EFNA5: variants seen among roughly 807,000 people sequenced by gnomAD.
The protein encoded by EFNA5 is ephrin-A5.
Under a neutral mutation model 22.9 loss-of-function variants are expected in EFNA5, and 5 were observed. That is an observed-to-expected ratio of 0.22 (90% CI 0.11 to 0.46). The LOEUF is 0.46. EFNA5 is among the 20% of genes least tolerant of loss of function. The pLI is 0.99. For missense variants in EFNA5, 237 were observed against 293.3 expected (o/e 0.81, Z 1.40); for synonymous variants, 113 against 112.2 (o/e 1.01, Z -0.04).
intron 1 of EFNA5, among the ~76,000 whole-genome samples, chr5:107,619,160 C>T (rs1222886200): frequency 2.6e-5 from 4 of 152,042 alleles, no homozygotes; most frequent in African/African-American, 9.6e-5. Flanking sequence ...CTCCTGACCT[C>T]GTGATCCACC....
At chr5:107,528,010 C>A (rs76276283) in intron 1 of EFNA5, among the ~76,000 whole-genome samples, 6,721 of 152,290 alleles carry the variant, frequency 0.044, 468 homozygotes, top group African/African-American at 0.15. Context: ...TCAGGAACCA[C>A]AGCTTGGCAA....
chr5:107,474,493 A>G lies in EFNA5; in HGVS notation c.126-46984T>C, dbSNP rs182320852. 7.9e-5 allele frequency among the ~76,000 whole-genome samples: 12 copies of G among 152,248 alleles called. No individual in the cohort carries two copies. The East Asian group carries it at 1.2e-3, about 15-fold the overall frequency. ...GTATGTAAAAATTTCCCAGAGGATC[A>G]GAAACCCTTGTTGAGTTTTCCTCCA... On this transcript the variant is annotated intron_variant, in intron 1 of 4. Coordinates refer to ENST00000333274, the MANE Select transcript of EFNA5 (RefSeq NM_001962.3).
chr5:107,611,496 G>A (rs1749818752), intron 1 of EFNA5, among the ~76,000 whole-genome samples: 1 of 152,172 alleles, frequency 6.6e-6, no homozygotes, highest in African/African-American at 2.4e-5. Flanking sequence ...AGAGGGTTGG[G>A]ATTACTTTGA....
intron 1 of EFNA5, among the ~76,000 whole-genome samples, chr5:107,594,975 CAGAT>C (rs745585497): frequency 6.6e-6 from 1 of 152,034 alleles, no homozygotes; most frequent in Non-Finnish European, 1.5e-5. Context: ...TATCTCATAT[CAGAT>C]AGTTTAATTT....
intron 1 of EFNA5, among the ~76,000 whole-genome samples, chr5:107,562,080 CAACT>C (rs1748559430): frequency 6.6e-6 from 1 of 152,176 alleles, no homozygotes; most frequent in African/African-American, 2.4e-5. Context: ...CTGCTGAATT[CAACT>C]AACCACACCA....
At chr5:107,419,470 G>A (rs185568922) in intron 2 of EFNA5, among the ~76,000 whole-genome samples, 1 of 152,300 alleles carries the variant, frequency 6.6e-6, no homozygotes, top group Non-Finnish European at 1.5e-5. Context: ...TTCAAGGGGA[G>A]AAAATTGTTC....
In EFNA5 at chr5:107,563,080, G is replaced by A. The variant is rs542448709; in HGVS notation, c.125+107409C>T. ...TGATGACCATGAGAGGGATGCATGG[G>A]TTTTCTCAAAGCCATACCCAATTCT... On this transcript the variant is annotated intron_variant, in intron 1 of 4. Coordinates refer to ENST00000333274, the MANE Select transcript of EFNA5 (RefSeq NM_001962.3). 2.0e-4 allele frequency among the ~76,000 whole-genome samples: 30 copies of A among 152,244 alleles called. 1 individual carries two copies. The highest frequency in any genetic ancestry group is 6.8e-3 in the Middle Eastern group (2 of 294).
intron 2 of EFNA5, among the ~76,000 whole-genome samples, chr5:107,414,335 GTCTC>G (rs1233182216): frequency 6.6e-6 from 1 of 151,934 alleles, no homozygotes; most frequent in African/African-American, 2.4e-5. Flanking sequence ...TGAAATAGTC[GTCTC>G]TCTCTCTTTT....
chr5:107,451,280 T>C (rs1034667309), intron 1 of EFNA5, among the ~76,000 whole-genome samples: 2 of 152,232 alleles, frequency 1.3e-5, no homozygotes, highest in African/African-American at 4.8e-5. Flanking sequence ...CTTGGTTTAA[T>C]TGCCCATAGA....
intron 1 of EFNA5, among the ~76,000 whole-genome samples, chr5:107,435,277 A>T (rs1275043543): frequency 2.0e-5 from 3 of 147,700 alleles, no homozygotes; most frequent in Non-Finnish European, 4.5e-5. Flanking sequence ...CACAGAATGC[A>T]AGCCTTATGG....
chr5:107,413,921 C>T (rs1287454581), intron 2 of EFNA5, among the ~76,000 whole-genome samples: 1 of 152,138 alleles, frequency 6.6e-6, no homozygotes, highest in Non-Finnish European at 1.5e-5. Flanking sequence ...CTAACCAGAG[C>T]TCCCTGGATT....
intron 1 of EFNA5, among the ~76,000 whole-genome samples, chr5:107,577,096 G>A (rs1247525940): frequency 6.6e-6 from 1 of 152,124 alleles, no homozygotes; most frequent in Non-Finnish European, 1.5e-5. Flanking sequence ...CCCTTGCCTT[G>A]CAGCAGATCA....
chr5:107,385,435 T>C (rs1242385318), intron 4 of EFNA5, among the ~76,000 whole-genome samples: 2 of 152,208 alleles, frequency 1.3e-5, no homozygotes, highest in African/African-American at 2.4e-5. Context: ...CTGCACAATG[T>C]GTATCAAGAG....
intron 2 of EFNA5, among the ~76,000 whole-genome samples, chr5:107,406,173 T>A (rs1012927514): frequency 6.7e-6 from 1 of 148,960 alleles, no homozygotes; most frequent in African/African-American, 2.5e-5. Flanking sequence ...TATGTATTTA[T>A]ATACATAGAA....
chr5:107,485,508 ATGTT>A (rs2112406114), intron 1 of EFNA5, among the ~76,000 whole-genome samples: 1 of 152,220 alleles, frequency 6.6e-6, no homozygotes, highest in South Asian at 2.1e-4. Context: ...TGGGAAGAAA[ATGTT>A]TGTGATAGAA....
At chr5:107,659,880 C>T (rs912152598) in intron 1 of EFNA5, among the ~76,000 whole-genome samples, 2 of 151,936 alleles carry the variant, frequency 1.3e-5, no homozygotes, top group African/African-American at 4.8e-5. Context: ...TGCATTTTTT[C>T]ATTTTAATTA....
At chr5:107,396,622 A>G (rs928236784) in intron 2 of EFNA5, among the ~76,000 whole-genome samples, 1 of 152,128 alleles carries the variant, frequency 6.6e-6, no homozygotes, top group Admixed American at 6.5e-5. Flanking sequence ...CATAAGAAAA[A>G]CAAGGGTAAT....
intron 1 of EFNA5, among the ~76,000 whole-genome samples, chr5:107,601,986 C>T (rs139330629): frequency 1.1e-4 from 16 of 152,266 alleles, no homozygotes; most frequent in African/African-American, 3.6e-4. Flanking sequence ...AGGCTTATTG[C>T]ATGTATTTAA....
chr5:107,663,892 C>T lies in EFNA5; in HGVS notation c.125+6597G>A, dbSNP rs115093866. Among the ~76,000 whole-genome samples, 1,430 of 152,170 alleles carry T rather than the reference C, an allele frequency of 9.4e-3. 16 individuals are homozygous for T. Among genetic ancestry groups the T allele is most frequent in the Middle Eastern group, 0.017 (5 of 294 alleles). On this transcript the variant is annotated intron_variant, in intron 1 of 4. Transcript: ENST00000333274. Reference sequence around the variant, plus strand: ...GACAGTAACATTTTCTTCAACCTGTCAACTGTCAATTGTATGAAGGATGTT... The same window carrying T: ...GACAGTAACATTTTCTTCAACCTGTTAACTGTCAATTGTATGAAGGATGTT...
Sources: allele counts gnomAD v4.1 joint callset (sites outside exome capture counted in the v4.1 genomes callset), GRCh38; gene constraint gnomAD v4.1.1; transcripts MANE v1.5; gene names NCBI Gene and HGNC (gene_info 2026-07-23, HGNC 2026-07-21).